The following CLYBL variants were observed in gnomAD, a reference collection of about 807,000 sequenced individuals.
The protein encoded by CLYBL is citramalyl-CoA lyase.
CLYBL carries 31 observed loss-of-function variants against 38.9 expected under a neutral mutation model. The ratio of observed to expected loss-of-function variants is 0.80; its 90% CI spans 0.60 to 1.08. The LOEUF is 1.08. Among genes scored for constraint, CLYBL ranks in the 50% least tolerant of loss-of-function variants. CLYBL has a pLI of 0.00. For synonymous variants in CLYBL, 171 were observed against 158.6 expected (o/e 1.08, Z -0.59); for missense variants, 434 against 411.6 (o/e 1.05, Z -0.47).
chr13:99,799,162 A>G (rs1229336097), intron 2 of CLYBL, among the ~76,000 whole-genome samples: 1 of 152,122 alleles, frequency 6.6e-6, no homozygotes, highest in African/African-American at 2.4e-5. Flanking sequence ...AATGTCTGCT[A>G]TTTTCTGTGA....
chr13:99,695,775 C>T (rs951025785), intron 1 of CLYBL, among the ~76,000 whole-genome samples: 1 of 152,096 alleles, frequency 6.6e-6, no homozygotes, highest in Admixed American at 6.6e-5. Flanking sequence ...GCCTTGGCCT[C>T]CCAAAGTGCT....
chr13:99,776,067 G>A (rs1366237932), intron 2 of CLYBL, among the ~76,000 whole-genome samples: 3 of 151,774 alleles, frequency 2.0e-5, no homozygotes, highest in African/African-American at 7.3e-5. Flanking sequence ...GGGAGGCTGA[G>A]GCAGGAGAAT....
intron 1 of CLYBL, among the ~76,000 whole-genome samples, chr13:99,755,179 G>A (rs1475579039): frequency 6.6e-6 from 1 of 152,118 alleles, no homozygotes; most frequent in Non-Finnish European, 1.5e-5. Flanking sequence ...TTACAGGCGT[G>A]AGCCACCGCG....
At chr13:99,775,874 TAAC>T (rs2049501819) in intron 2 of CLYBL, among the ~76,000 whole-genome samples, 2 of 151,758 alleles carry the variant, frequency 1.3e-5, no homozygotes, top group Admixed American at 1.3e-4. Flanking sequence ...AAAATAATAA[TAAC>T]AATAGGCCGG....
At chr13:99,676,116 A>G (rs1344035841) in intron 1 of CLYBL, among the ~76,000 whole-genome samples, 3 of 151,882 alleles carry the variant, frequency 2.0e-5, no homozygotes, top group Non-Finnish European at 4.4e-5. Context: ...TCGGCCTCCC[A>G]TGGTGCTGGG....
Position 99,710,877 on chromosome 13 carries a change from A to AC in CLYBL, c.63-61943dup, listed in dbSNP as rs201038210. On this transcript the variant is annotated intron_variant, in intron 1 of 8. Coordinates refer to ENST00000339105, the MANE Select transcript of CLYBL (RefSeq NM_206808.5). ...GTCTCCTGGCTTCTCTTAGTTTCTA[A>AC]CCCCTTTTTTTTTTTTTTTTTTTTT... Among the ~76,000 whole-genome samples the AC allele has an allele frequency of 2.2e-4, 28 of 127,214 alleles. No homozygotes were observed. In the East Asian group the frequency reaches 3.2e-3, roughly 15 times the overall value. 83.5% of individuals were successfully genotyped at this position (127,214 alleles called of 152,430 possible).
chr13:99,739,978 A>G (rs983494244), intron 1 of CLYBL, among the ~76,000 whole-genome samples: 1 of 146,978 alleles, frequency 6.8e-6, no homozygotes, highest in African/African-American at 2.4e-5. Flanking sequence ...TCTTGAGGAA[A>G]AAAAAACAAA....
chr13:99,829,509 A>G (rs1259197152), intron 2 of CLYBL, among the ~76,000 whole-genome samples: 4 of 152,232 alleles, frequency 2.6e-5, no homozygotes, highest in Non-Finnish European at 5.9e-5. Flanking sequence ...TTTATGGGCA[A>G]TGATGAGTTT....
intron 1 of CLYBL, among the ~76,000 whole-genome samples, chr13:99,626,354 CTG>C (rs1346587099): frequency 6.6e-6 from 1 of 152,210 alleles, no homozygotes; most frequent in Non-Finnish European, 1.5e-5. Flanking sequence ...TGAGGCCAGA[CTG>C]TGAAGGGATT....
intron 7 of CLYBL, among the ~76,000 whole-genome samples, chr13:99,874,027 GT>G (rs1009758248): frequency 7.9e-5 from 12 of 152,190 alleles, no homozygotes; most frequent in African/African-American, 2.9e-4. Context: ...TGGCTGCTTT[GT>G]TTCAGGAAAC....
chr13:99,848,020 C>G (rs148345575), intron 2 of CLYBL, among the ~76,000 whole-genome samples: 1 of 152,228 alleles, frequency 6.6e-6, no homozygotes, highest in Admixed American at 6.5e-5. Flanking sequence ...TCCATAGCCT[C>G]ATATGTACAA....
intron 2 of CLYBL, among the ~76,000 whole-genome samples, chr13:99,791,357 T>C (rs1012252901): frequency 1.5e-4 from 13 of 86,830 alleles, no homozygotes; most frequent in African/African-American, 6.6e-4. Flanking sequence ...ATAGTGTCTT[T>C]TTTAAAAAAA....
intron 7 of CLYBL, among the ~76,000 whole-genome samples, chr13:99,882,080 T>C (rs2139304115): frequency 6.6e-6 from 1 of 152,268 alleles, no homozygotes; most frequent in Non-Finnish European, 1.5e-5. Context: ...AGATATGCTA[T>C]TTTTATAAAT....
At chr13:99,899,545 A>T (rs575996755), downstream of CLYBL, among the ~76,000 whole-genome samples, 73 of 152,130 alleles carry the variant, frequency 4.8e-4, no homozygotes, top group Non-Finnish European at 8.1e-4. Context: ...TTACTGTTTA[A>T]TGGGTACTGA....
At chr13:99,619,939 A>C (rs1205543635) in intron 1 of CLYBL, among the ~76,000 whole-genome samples, 1 of 152,140 alleles carries the variant, frequency 6.6e-6, no homozygotes. Flanking sequence ...GCCTCCCCCA[A>C]ACTTATTGGT....
chr13:99,889,797 A>AC (rs2052442150), intron 7 of CLYBL, among the ~76,000 whole-genome samples: 1 of 152,158 alleles, frequency 6.6e-6, no homozygotes, highest in African/African-American at 2.4e-5. Context: ...AGCCCTCATC[A>AC]TGAGAGCCCA....
chr13:99,720,794 A>G (rs1306475887), intron 1 of CLYBL, among the ~76,000 whole-genome samples: 1 of 152,012 alleles, frequency 6.6e-6, no homozygotes, highest in Non-Finnish European at 1.5e-5. Context: ...TAGTTTCACT[A>G]TTATGTGTTA....
rs1458907646 is a variant in CLYBL, at chr13:99,612,637, C to T, written c.62+5880C>T. ...TCCTGGATTCAAGCAGTCTACCCAC[C>T]TTGGCCTCCGAAAGTGCTGGGATTA... On this transcript the variant is annotated intron_variant, in intron 1 of 8. Transcript: ENST00000339105. 6.6e-5 allele frequency among the ~76,000 whole-genome samples: 10 copies of T among 152,202 alleles called. 1 individual carries two copies. Among genetic ancestry groups the T allele is most frequent in the Admixed American group, 3.3e-4 (5 of 15,282 alleles).
At chr13:99,624,240 A>G (rs1053019161) in intron 1 of CLYBL, among the ~76,000 whole-genome samples, 8 of 151,832 alleles carry the variant, frequency 5.3e-5, no homozygotes, top group East Asian at 3.9e-4. Flanking sequence ...TGGGCTGGAA[A>G]CTCCACGTTC....
Sources: allele counts gnomAD v4.1 joint callset (sites outside exome capture counted in the v4.1 genomes callset), GRCh38; gene constraint gnomAD v4.1.1; transcripts MANE v1.5; gene names NCBI Gene and HGNC (gene_info 2026-07-23, HGNC 2026-07-21).